Variants in POMP observed in about 807,000 individuals in gnomAD.
POMP encodes the protein proteasome maturation protein, also known as 2510048O06Rik.
POMP carries 12 observed loss-of-function variants against 20.6 expected under a neutral mutation model. That is an observed-to-expected ratio of 0.58 (90% CI 0.37 to 0.94). POMP has a LOEUF of 0.94. Ranked by LOEUF, POMP falls within the 40% of genes least tolerant of loss-of-function variation. The pLI is 0.01. For missense variants in POMP, 136 were observed against 161.1 expected, an observed-to-expected ratio of 0.84 and a Z score of 0.84; for synonymous variants, 53 against 55.0, an observed-to-expected ratio of 0.96 and a Z score of 0.16.
intron 5 of POMP, 30 bp from the exon 6 acceptor site, chr13:28,678,005 T>TA (rs2088525832): frequency 6.2e-7 from 1 of 1,604,306 alleles, no homozygotes. Context: ...TTGAGAGTCT[T>TA]TTAAAATGTT....
At chr13:28,666,731 T>C (rs926161836) in intron 3 of POMP, among the ~76,000 whole-genome samples, 1 of 152,244 alleles carries the variant, frequency 6.6e-6, no homozygotes, top group Non-Finnish European at 1.5e-5. Flanking sequence ...GGCATATTGC[T>C]GGCCTCTAGT....
chr13:28,670,254 A>C (rs1884523850), intron 4 of POMP, among the ~76,000 whole-genome samples: 1 of 152,168 alleles, frequency 6.6e-6, no homozygotes, highest in African/African-American at 2.4e-5. Flanking sequence ...TCATAATCCC[A>C]TAATCCCCCA....
At chr13:28,660,721 A>C (rs190218311) in intron 1 of POMP, among the ~76,000 whole-genome samples, 15 of 152,282 alleles carry the variant, frequency 9.9e-5, no homozygotes, top group Admixed American at 7.2e-4. Context: ...GTCCACCATG[A>C]CTTCTTGTAT....
At chr13:28,663,415 A>C (rs1296131729) in intron 2 of POMP, among the ~76,000 whole-genome samples, 1 of 152,072 alleles carries the variant, frequency 6.6e-6, no homozygotes, top group East Asian at 1.9e-4. Context: ...GGTTCAAGTG[A>C]TTCTCCTGCC....
chr13:28,674,760 T>C (rs1754989), intron 5 of POMP, among the ~76,000 whole-genome samples: 49,116 of 152,078 alleles, frequency 0.32, 11,082 homozygotes, highest in African/African-American at 0.63. Flanking sequence ...ACTAGCTGGC[T>C]GGATGTGGTG....
intron 2 of POMP, among the ~76,000 whole-genome samples, 164 bp from the exon 3 acceptor site, chr13:28,664,345 C>A (rs542741869): frequency 1.3e-5 from 2 of 151,392 alleles, no homozygotes; most frequent in African/African-American, 4.9e-5. Flanking sequence ...GAATTTTTAG[C>A]ACATGTATCA....
chr13:28,670,043 G>T (rs896218070), intron 4 of POMP, among the ~76,000 whole-genome samples: 4 of 152,176 alleles, frequency 2.6e-5, no homozygotes, highest in Admixed American at 2.6e-4. Context: ...CTGGGAGTCG[G>T]AGGTTGCAGT....
chr13:28,672,528 T>TA (rs1884567165), intron 5 of POMP, 96 bp downstream of exon 5: 16 of 888,960 alleles, frequency 1.8e-5, no homozygotes, highest in South Asian at 1.6e-4. Context: ...TCATGGAACT[T>TA]ACAGCTGATT....
chr13:28,667,613 A>G (rs1372316608), intron 3 of POMP, among the ~76,000 whole-genome samples: 1 of 152,180 alleles, frequency 6.6e-6, no homozygotes, highest in African/African-American at 2.4e-5. Context: ...CTAATCTCTC[A>G]ATAGATTTTT....
Position 28,678,345 on chromosome 13 carries a change from G to T in POMP, c.*243G>T. 1 of 466,272 alleles carries T rather than the reference G, an allele frequency of 2.1e-6. No homozygotes were observed. The highest frequency in any genetic ancestry group is 3.9e-6 in the Non-Finnish European group (1 of 258,932). The allele number at this position is 466,272 out of a possible 1,614,324, so 28.9% of individuals were successfully genotyped here. ...AACAGTAGCCTTTGTCTTTAAAAAA[G>T]TTGTTGCTCATGAATATTATAAAAT... On this transcript the variant is annotated 3_prime_UTR_variant, in exon 6 of 6. Transcript: ENST00000380842.
intron 1 of POMP, among the ~76,000 whole-genome samples, chr13:28,660,755 G>T (rs1027296607): frequency 2.6e-5 from 4 of 152,186 alleles, no homozygotes; most frequent in Non-Finnish European, 5.9e-5. Context: ...AACCTATTAT[G>T]CAGGTTCTTT....
At chr13:28,661,349 C>T (rs767678964) in intron 1 of POMP, among the ~76,000 whole-genome samples, 1 of 152,030 alleles carries the variant, frequency 6.6e-6, no homozygotes, top group Non-Finnish European at 1.5e-5. Flanking sequence ...GCCTGTAGTC[C>T]CAGCTACTTG....
chr13:28,667,082 T>A (rs1884462414), intron 3 of POMP, among the ~76,000 whole-genome samples: 1 of 152,212 alleles, frequency 6.6e-6, no homozygotes, highest in African/African-American at 2.4e-5. Flanking sequence ...ATCTCCAAGG[T>A]AGGCTGTTCA....
chr13:28,667,861 A>G (rs1792092), intron 3 of POMP, among the ~76,000 whole-genome samples: 6,764 of 152,232 alleles, frequency 0.044, 506 homozygotes, highest in African/African-American at 0.15. Flanking sequence ...GTTATGGCCA[A>G]AGTTCCCTAA....
At chr13:28,661,503 C>A (rs954349231) in intron 1 of POMP, among the ~76,000 whole-genome samples, 3 of 152,064 alleles carry the variant, frequency 2.0e-5, no homozygotes, top group African/African-American at 7.2e-5. Flanking sequence ...TCATGCTTTG[C>A]CTGTTGTAAC....
chr13:28,673,747 T>TAGG, intron 5 of POMP, among the ~76,000 whole-genome samples: 1 of 152,210 alleles, frequency 6.6e-6, no homozygotes, highest in Non-Finnish European at 1.5e-5. Flanking sequence ...GGTCTTTAGT[T>TAGG]ACAAAAGCAT....
intron 1 of POMP, among the ~76,000 whole-genome samples, 191 bp downstream of exon 1, chr13:28,659,378 C>T (rs923853246): frequency 6.6e-6 from 1 of 152,192 alleles, no homozygotes; most frequent in South Asian, 2.1e-4. Context: ...CGGGGCCCGG[C>T]ACTAGTCCCA....
In POMP at chr13:28,663,214, A is replaced by G. The variant is rs547207569; in HGVS notation, c.101+707A>G. 8.5e-5 allele frequency among the ~76,000 whole-genome samples: 13 copies of G among 152,296 alleles called. No homozygotes were observed. In the South Asian group the frequency reaches 1.7e-3, roughly 19 times the overall value. The stretch of plus-strand genomic sequence containing the variant: ...TCTTTGCAGGTCACTTTTCTGCTTA[A>G]TAAAATAAGGATAACGACCTTTCCC... On this transcript the variant is annotated intron_variant, in intron 2 of 5. Transcript: ENST00000380842.
At position 28,670,282 on chromosome 13, in the gene POMP, A is replaced by G. The variant is rs370753729; in HGVS notation, c.264+1708A>G. 2.6e-5 allele frequency among the ~76,000 whole-genome samples: 4 copies of G among 152,314 alleles called. 1 individual carries two copies. The highest frequency in any genetic ancestry group is 9.6e-5 in the African/African-American group (4 of 41,566). ...ATCCCCCACATACTCCTTATCCCAT[A>G]TGAATAGGTTTCTGCCTAAGGCAGA... On this transcript the variant is annotated intron_variant, in intron 4 of 5. Coordinates refer to ENST00000380842, the MANE Select transcript of POMP (RefSeq NM_015932.6).
Sources: gnomAD v4.1 joint callset for allele counts (sites outside exome capture counted in the v4.1 genomes callset) on GRCh38, gnomAD v4.1.1 for gene constraint, MANE v1.5 for transcripts, NCBI Gene and HGNC (gene_info 2026-07-23, HGNC 2026-07-21) for gene names.